Variants in MGAT4C observed in about 807,000 individuals in gnomAD.
MGAT4C encodes the protein alpha-1,3-mannosyl-glycoprotein 4-beta-N-acetylglucosaminyltransferase C.
A neutral mutation model predicts 40.1 loss-of-function variants in MGAT4C; 19 were observed. The ratio of observed to expected loss-of-function variants is 0.47; its 90% confidence interval spans 0.33 to 0.70. MGAT4C has a LOEUF of 0.70. Ranked by LOEUF, MGAT4C falls within the 30% of genes least tolerant of loss-of-function variation. The pLI is 0.02. For synonymous variants in MGAT4C, 181 were observed against 187.1 expected, an observed-to-expected ratio of 0.97 and a Z score of 0.27; for missense variants, 491 against 563.2, an observed-to-expected ratio of 0.87 and a Z score of 1.30.
intron 2 of MGAT4C, among the ~76,000 whole-genome samples, chr12:86,012,899 G>A (rs1888647128): frequency 6.6e-6 from 1 of 151,780 alleles, no homozygotes; most frequent in Non-Finnish European, 1.5e-5. Flanking sequence ...TGAGTTGGGA[G>A]GATTGCTTCA....
chr12:86,418,368 C>T (rs1254588312), intron 3 of MGAT4C, among the ~76,000 whole-genome samples: 13 of 151,924 alleles, frequency 8.6e-5, no homozygotes, highest in Non-Finnish European at 1.9e-4. Flanking sequence ...TTTGGGAGGC[C>T]GAGATGTGCA....
At chr12:86,322,674 C>A (rs116668760) in intron 4 of MGAT4C, among the ~76,000 whole-genome samples, 2 of 151,786 alleles carry the variant, frequency 1.3e-5, no homozygotes, top group South Asian at 2.1e-4. Context: ...AAATGGTCAA[C>A]GGGAAGGGCA....
chr12:86,075,108 C>A (rs1409331134), intron 1 of MGAT4C, among the ~76,000 whole-genome samples: 1 of 152,154 alleles, frequency 6.6e-6, no homozygotes, highest in East Asian at 1.9e-4. Context: ...TGAGATAAGG[C>A]AAGTTGCTTC....
intron 2 of MGAT4C, among the ~76,000 whole-genome samples, chr12:86,511,914 A>C: frequency 6.6e-6 from 1 of 152,186 alleles, no homozygotes; most frequent in East Asian, 1.9e-4. Context: ...CAAACTAAAA[A>C]TCTTTTGCAC....
intron 2 of MGAT4C, among the ~76,000 whole-genome samples, chr12:86,563,076 C>A (rs1021792112): frequency 3.3e-5 from 5 of 152,120 alleles, no homozygotes; most frequent in African/African-American, 1.2e-4. Context: ...CTCATCCCAA[C>A]TGGGATGGTC....
intron 4 of MGAT4C, among the ~76,000 whole-genome samples, chr12:86,282,648 C>A (rs1953249186): frequency 6.6e-6 from 1 of 151,858 alleles, no homozygotes; most frequent in Non-Finnish European, 1.5e-5. Flanking sequence ...TTATATTGTT[C>A]AGTATCTAAT....
intron 3 of MGAT4C, among the ~76,000 whole-genome samples, chr12:86,374,377 C>A (rs561597648): frequency 6.6e-6 from 1 of 152,180 alleles, no homozygotes; most frequent in African/African-American, 2.4e-5. Context: ...ACTCAAGTGA[C>A]TTTTATTTTT....
At chr12:86,284,015 A>C (rs1414607025) in intron 4 of MGAT4C, among the ~76,000 whole-genome samples, 1 of 152,136 alleles carries the variant, frequency 6.6e-6, no homozygotes, top group African/African-American at 2.4e-5. Context: ...AAAGATAAGC[A>C]TAAAGTTTTC....
At position 86,448,824 on chromosome 12, in the gene MGAT4C, T is replaced by G. The variant is rs565372155; in HGVS notation, c.-228-13559A>C. On this transcript the variant is annotated intron_variant, in intron 2 of 7. Transcript: ENST00000548651. ...TCAAAGAAATCTGAGTCTAATATAA[T>G]GAATGTTAAAACATACATTTCATTA... Among the ~76,000 whole-genome samples, 14 of 152,322 alleles carry G rather than the reference T, an allele frequency of 9.2e-5. No individual in the cohort carries two copies. In the East Asian group the frequency reaches 2.7e-3, roughly 29 times the overall value.
intron 2 of MGAT4C, among the ~76,000 whole-genome samples, chr12:86,711,277 G>A (rs946994345): frequency 6.6e-6 from 1 of 152,068 alleles, no homozygotes; most frequent in Non-Finnish European, 1.5e-5. Flanking sequence ...GAGCCAAAAG[G>A]GGGTAAAGAT....
intron 2 of MGAT4C, among the ~76,000 whole-genome samples, chr12:86,003,936 T>C (rs963591420): frequency 1.3e-5 from 2 of 152,204 alleles, no homozygotes; most frequent in African/African-American, 2.4e-5. Flanking sequence ...GACAGTTTTC[T>C]ATGTTTATGT....
At chr12:86,164,871 G>A (rs1251947898) in intron 1 of MGAT4C, among the ~76,000 whole-genome samples, 1 of 152,128 alleles carries the variant, frequency 6.6e-6, no homozygotes, top group Admixed American at 6.6e-5. Context: ...CACTGGTGGT[G>A]AGGATTTATT....
At chr12:86,478,884 A>G (rs1027646353) in intron 2 of MGAT4C, among the ~76,000 whole-genome samples, 2 of 152,086 alleles carry the variant, frequency 1.3e-5, no homozygotes, top group Non-Finnish European at 1.5e-5. Flanking sequence ...CAGAATGTCT[A>G]AATTATTTAA....
intron 2 of MGAT4C, among the ~76,000 whole-genome samples, chr12:86,580,449 G>A (rs529808198): frequency 1.3e-5 from 2 of 151,518 alleles, no homozygotes; most frequent in South Asian, 4.1e-4. Context: ...ATTAATGGTT[G>A]TGGAATATAC....
chr12:86,475,925 T>TG (rs1445094073), intron 2 of MGAT4C, among the ~76,000 whole-genome samples: 3 of 152,020 alleles, frequency 2.0e-5, no homozygotes, highest in Non-Finnish European at 4.4e-5. Flanking sequence ...ACTTTGTGTG[T>TG]TTTTTATTGT....
intron 4 of MGAT4C, among the ~76,000 whole-genome samples, chr12:86,279,812 T>A (rs1193313732): frequency 6.6e-6 from 1 of 152,050 alleles, no homozygotes; most frequent in Non-Finnish European, 1.5e-5. Flanking sequence ...TTTTGCTATA[T>A]CCCATAGATT....
intron 2 of MGAT4C, among the ~76,000 whole-genome samples, chr12:86,686,525 T>TGAG (rs1950075130): frequency 1.3e-5 from 2 of 152,158 alleles, no homozygotes; most frequent in African/African-American, 4.8e-5. Context: ...TACCTAGTTT[T>TGAG]TGAGTGTTTT....
chr12:86,356,452 A>G (rs913130218), intron 3 of MGAT4C, among the ~76,000 whole-genome samples: 1 of 152,206 alleles, frequency 6.6e-6, no homozygotes, highest in Non-Finnish European at 1.5e-5. Flanking sequence ...CTGAGGTACC[A>G]GGTTCATCTC....
At chr12:86,735,667 T>C (rs1021408548) in intron 1 of MGAT4C, among the ~76,000 whole-genome samples, 6 of 151,854 alleles carry the variant, frequency 4.0e-5, no homozygotes, top group African/African-American at 7.3e-5. Flanking sequence ...TAAATATTAG[T>C]TATACTGTGA....
Sources: gnomAD v4.1 joint callset for allele counts (sites outside exome capture counted in the v4.1 genomes callset) on GRCh38, gnomAD v4.1.1 for gene constraint, MANE v1.5 for transcripts, NCBI Gene and HGNC (gene_info 2026-07-23, HGNC 2026-07-21) for gene names.